ATG10: variants seen among roughly 807,000 people sequenced by gnomAD.
The protein encoded by ATG10 is autophagy related 10.
In ATG10, 30 loss-of-function variants were observed where a neutral mutation model predicts 32.1. The ratio of observed to expected loss-of-function variants is 0.94; its 90% CI spans 0.70 to 1.27. The LOEUF is 1.27. ATG10 is among the 50% of genes most tolerant of loss of function. ATG10 has a pLI of 0.00. For missense variants in ATG10, 233 were observed against 262.3 expected, an observed-to-expected ratio of 0.89 and a Z score of 0.77; for synonymous variants, 87 against 91.5, an observed-to-expected ratio of 0.95 and a Z score of 0.28.
Position 82,248,075 on chromosome 5 carries a change from A to G in ATG10, c.454-4487A>G, listed in dbSNP as rs186165918. On this transcript the variant is annotated intron_variant, in intron 5 of 7. Transcript: ENST00000282185. Reference sequence around the variant, plus strand: ...GGATTGGGAACACGCTAAAAACTCAAGTAGTATTCATATTGGCCTTAGCTC... The same window carrying G: ...GGATTGGGAACACGCTAAAAACTCAGGTAGTATTCATATTGGCCTTAGCTC... 4.3e-3 allele frequency among the ~76,000 whole-genome samples: 653 copies of G among 152,242 alleles called. 12 individuals are homozygous for G. The highest frequency in any genetic ancestry group is 2.3e-3 in the Non-Finnish European group (157 of 68,008).
At chr5:82,013,225 A>G (rs954755440) in intron 2 of ATG10, among the ~76,000 whole-genome samples, 12 of 152,176 alleles carry the variant, frequency 7.9e-5, no homozygotes, top group African/African-American at 2.2e-4. Flanking sequence ...TGCTGGGAGT[A>G]CATGGGTGAG....
chr5:81,995,685 A>G (rs900842823), intron 2 of ATG10, among the ~76,000 whole-genome samples: 2 of 152,216 alleles, frequency 1.3e-5, no homozygotes, highest in African/African-American at 4.8e-5. Flanking sequence ...AGTACAGACA[A>G]AAATGGTGGC....
At chr5:82,003,986 A>G (rs1015846171) in intron 2 of ATG10, among the ~76,000 whole-genome samples, 5 of 152,194 alleles carry the variant, frequency 3.3e-5, no homozygotes, top group Admixed American at 6.5e-5. Flanking sequence ...CTCAAAATAC[A>G]AAAAGTAGCT....
At chr5:82,221,989 T>G (rs1745946130) in intron 5 of ATG10, among the ~76,000 whole-genome samples, 1 of 152,258 alleles carries the variant, frequency 6.6e-6, no homozygotes, top group African/African-American at 2.4e-5. Context: ...AAGGTCATGC[T>G]TGAAGTAAGC....
chr5:82,038,814 A>G (rs972540354), intron 2 of ATG10, among the ~76,000 whole-genome samples: 2 of 152,074 alleles, frequency 1.3e-5, no homozygotes, highest in Non-Finnish European at 2.9e-5. Context: ...TTTTTATTTC[A>G]ATTATGATGT....
intron 5 of ATG10, among the ~76,000 whole-genome samples, chr5:82,236,286 G>A (rs1746547845): frequency 6.6e-6 from 1 of 152,014 alleles, no homozygotes; most frequent in Non-Finnish European, 1.5e-5. Flanking sequence ...TTTTCACCCT[G>A]TGAAGTATCA....
intron 5 of ATG10, among the ~76,000 whole-genome samples, chr5:82,244,783 A>G (rs149367752): frequency 4.6e-5 from 7 of 152,322 alleles, no homozygotes; most frequent in East Asian, 3.9e-4. Flanking sequence ...TCTAAAACCA[A>G]TTCACAGTAT....
chr5:82,132,629 C>T (rs1281682752), intron 3 of ATG10, among the ~76,000 whole-genome samples: 1 of 151,958 alleles, frequency 6.6e-6, no homozygotes, highest in Non-Finnish European at 1.5e-5. Flanking sequence ...GTATATGTGC[C>T]ACATTTTCTT....
intron 2 of ATG10, among the ~76,000 whole-genome samples, chr5:82,042,618 A>T (rs1763119263): frequency 6.6e-6 from 1 of 152,112 alleles, no homozygotes; most frequent in Admixed American, 6.5e-5. Context: ...TAAAAAACTA[A>T]TTACTTCTAA....
chr5:81,983,633 C>CG (rs1232711610), intron 1 of ATG10, among the ~76,000 whole-genome samples: 9 of 129,898 alleles, frequency 6.9e-5, no homozygotes, highest in Admixed American at 4.5e-4. Context: ...GCTGGCCGGG[C>CG]GGGGGGGCTG....
Position 82,010,060 on chromosome 5 carries a change from C to T in ATG10, c.108+22382C>T, listed in dbSNP as rs904911471. 5.0e-5 allele frequency: 81 copies of T among 1,610,332 alleles called. No individual in the cohort carries two copies. The African/African-American group carries it at 5.3e-4, about 11-fold the overall frequency. ...ACGCGGCCCAAGGGCTCGCCATCGACGGCAATGTCGAAGAACACGGTGGGG... is the reference window on the plus strand; with the variant it reads ...ACGCGGCCCAAGGGCTCGCCATCGATGGCAATGTCGAAGAACACGGTGGGG... On this transcript the variant is annotated intron_variant, in intron 2 of 7. Transcript: ENST00000282185.
At chr5:82,042,607 A>G (rs1763118791) in intron 2 of ATG10, among the ~76,000 whole-genome samples, 1 of 152,220 alleles carries the variant, frequency 6.6e-6, no homozygotes, top group Non-Finnish European at 1.5e-5. Flanking sequence ...AGCTTGTAAA[A>G]TAAAAAACTA....
chr5:82,020,282 A>T (rs935752937), intron 2 of ATG10, among the ~76,000 whole-genome samples: 1 of 152,212 alleles, frequency 6.6e-6, no homozygotes, highest in Non-Finnish European at 1.5e-5. Flanking sequence ...TTATGGGTTG[A>T]ACTACAGGGA....
intron 5 of ATG10, among the ~76,000 whole-genome samples, chr5:82,212,764 A>G (rs1745540680): frequency 6.6e-6 from 1 of 152,184 alleles, no homozygotes. Context: ...GGGCAGTCCC[A>G]CTTCTCAAGT....
At chr5:82,217,278 C>G (rs989774704) in intron 5 of ATG10, among the ~76,000 whole-genome samples, 13 of 152,024 alleles carry the variant, frequency 8.6e-5, no homozygotes, top group African/African-American at 3.1e-4. Context: ...ATTCAGTGTC[C>G]TCCTATATAA....
chr5:82,164,540 A>G lies in ATG10; in HGVS notation c.355+3A>G, dbSNP rs916203776. 2 of 1,608,032 alleles carry G rather than the reference A, an allele frequency of 1.2e-6. No homozygotes were observed. Among genetic ancestry groups the G allele is most frequent in the Non-Finnish European group, 1.7e-6 (2 of 1,176,450 alleles). Reference sequence around the variant, plus strand: ...TTACTTTAGGGCAAGCTTTTTAGGTAAGAACATGTCTGAAGCTAAAAGTAA... The same window carrying G: ...TTACTTTAGGGCAAGCTTTTTAGGTGAGAACATGTCTGAAGCTAAAAGTAA... On this transcript the variant is annotated splice_donor_region_variant and intron_variant, in intron 4 of 7. Coordinates refer to ENST00000282185, the MANE Select transcript of ATG10 (RefSeq NM_031482.5).
At chr5:82,213,140 C>T (rs947677055) in intron 5 of ATG10, among the ~76,000 whole-genome samples, 3 of 152,156 alleles carry the variant, frequency 2.0e-5, no homozygotes, top group Non-Finnish European at 4.4e-5. Context: ...TTCATTTAGT[C>T]CTGAACTTTT....
At chr5:82,139,459 A>C (rs1487784937) in intron 3 of ATG10, among the ~76,000 whole-genome samples, 15 of 80,042 alleles carry the variant, frequency 1.9e-4, no homozygotes, top group South Asian at 1.0e-3. Context: ...CCGGCCGCCC[A>C]TCGTCTGAGA....
chr5:82,016,337 G>A (rs919066664), intron 2 of ATG10, among the ~76,000 whole-genome samples: 2 of 152,008 alleles, frequency 1.3e-5, no homozygotes, highest in African/African-American at 4.8e-5. Flanking sequence ...TGTTGAATAG[G>A]GTGTCCTTTC....
Sources: gnomAD v4.1 joint callset for allele counts (sites outside exome capture counted in the v4.1 genomes callset) on GRCh38, gnomAD v4.1.1 for gene constraint, MANE v1.5 for transcripts, NCBI Gene and HGNC (gene_info 2026-07-23, HGNC 2026-07-21) for gene names.